Variants in CSMD1 observed in about 807,000 individuals in gnomAD.
CSMD1 encodes the protein CUB and Sushi multiple domains 1.
CSMD1 carries 213 observed loss-of-function variants against 417.5 expected under a neutral mutation model. The observed-to-expected ratio is 0.51, with a 90% CI of 0.46 to 0.57. CSMD1 has a LOEUF of 0.57. Among genes scored for constraint, CSMD1 ranks in the 20% least tolerant of loss-of-function variants. The probability of loss-of-function intolerance (pLI) is 0.00; values close to 1 mark genes in which losing one functional copy is unlikely to be tolerated. For missense variants in CSMD1, 6,923 were observed against 4,529.7 expected (o/e 1.53, Z -15.17); for synonymous variants, 2,862 against 1,736.8 (o/e 1.65, Z -16.11).
intron 3 of CSMD1, among the ~76,000 whole-genome samples, chr8:4,105,909 G>C (rs750906207): frequency 3.9e-5 from 6 of 152,160 alleles, no homozygotes; most frequent in East Asian, 1.9e-4. Flanking sequence ...GCCCCTGCAG[G>C]CTTCAGCCCA....
chr8:4,167,875 C>G (rs776238147), intron 3 of CSMD1, among the ~76,000 whole-genome samples: 27 of 152,094 alleles, frequency 1.8e-4, no homozygotes, highest in Non-Finnish European at 3.2e-4. Flanking sequence ...GGCCTGTAAT[C>G]TCAGCACTTT....
intron 2 of CSMD1, among the ~76,000 whole-genome samples, chr8:4,435,740 C>T (rs929313411): frequency 1.3e-5 from 2 of 152,082 alleles, no homozygotes; most frequent in African/African-American, 4.8e-5. Context: ...TCTGTCTTGG[C>T]CATGTGGCTA....
At chr8:4,309,490 C>G (rs1485675290) in intron 3 of CSMD1, among the ~76,000 whole-genome samples, 2 of 151,944 alleles carry the variant, frequency 1.3e-5, no homozygotes, top group African/African-American at 2.4e-5. Context: ...TGCATTTTCT[C>G]TCATCAAATT....
At chr8:4,656,347 G>A (rs1049263368) in intron 1 of CSMD1, among the ~76,000 whole-genome samples, 4 of 152,018 alleles carry the variant, frequency 2.6e-5, no homozygotes, top group Admixed American at 6.5e-5. Context: ...GTCAGACCAG[G>A]CATGGTTGTG....
chr8:4,769,277 G>T (rs915308500), intron 1 of CSMD1, among the ~76,000 whole-genome samples: 4 of 152,186 alleles, frequency 2.6e-5, no homozygotes, highest in Non-Finnish European at 2.9e-5. Context: ...TTGAGTGCCT[G>T]AAAGTACACC....
chr8:3,145,763 T>C (rs1818804939), intron 40 of CSMD1, among the ~76,000 whole-genome samples: 1 of 152,216 alleles, frequency 6.6e-6, no homozygotes, highest in South Asian at 2.1e-4. Flanking sequence ...CCTTCTATTG[T>C]CTCAGAGAGT....
chr8:4,390,365 G>A (rs895195229), intron 3 of CSMD1, among the ~76,000 whole-genome samples: 1 of 152,052 alleles, frequency 6.6e-6, no homozygotes, highest in Non-Finnish European at 1.5e-5. Flanking sequence ...CACATTCCAA[G>A]CCTGGGAGAT....
intron 3 of CSMD1, among the ~76,000 whole-genome samples, chr8:4,222,639 C>G (rs1189925992): frequency 1.3e-5 from 2 of 152,186 alleles, no homozygotes; most frequent in African/African-American, 4.8e-5. Context: ...ATTTAAATTT[C>G]TGAATCAATG....
intron 3 of CSMD1, among the ~76,000 whole-genome samples, chr8:4,089,813 C>G (rs991191824): frequency 3.9e-5 from 6 of 151,966 alleles, no homozygotes; most frequent in East Asian, 1.9e-4. Flanking sequence ...TGTGTTTGGT[C>G]TTGGAGGGTG....
chr8:3,097,198 C>T (rs1252430545), intron 46 of CSMD1, among the ~76,000 whole-genome samples, 161 bp from the exon 47 acceptor site: 2 of 152,138 alleles, frequency 1.3e-5, no homozygotes, highest in South Asian at 2.1e-4. Flanking sequence ...GGGAGGGCAA[C>T]ATTGAATAAT....
At chr8:4,004,746 T>A (rs916417172) in intron 4 of CSMD1, among the ~76,000 whole-genome samples, 1 of 152,122 alleles carries the variant, frequency 6.6e-6, no homozygotes, top group Admixed American at 6.6e-5. Flanking sequence ...ATTCTTTTTT[T>A]GTTTTGTTTT....
rs114679670 is a variant in CSMD1, at chr8:4,492,374, A to C, written c.303-72309T>G. On this transcript the variant is annotated intron_variant, in intron 2 of 69. Coordinates refer to ENST00000635120, the MANE Select transcript of CSMD1 (RefSeq NM_033225.6). Reference sequence around the variant, plus strand: ...CACATATTACTAAGTGAAAGAAGGCAGTCTGTAGGATGCCAAATATCTGAC... The same window carrying C: ...CACATATTACTAAGTGAAAGAAGGCCGTCTGTAGGATGCCAAATATCTGAC... 1.9e-3 allele frequency among the ~76,000 whole-genome samples: 293 copies of C among 152,338 alleles called. 1 individual carries two copies. The highest frequency in any genetic ancestry group is 6.8e-3 in the African/African-American group (283 of 41,588).
At chr8:3,001,194 T>G (rs537505482) in intron 52 of CSMD1, among the ~76,000 whole-genome samples, 1 of 151,994 alleles carries the variant, frequency 6.6e-6, no homozygotes, top group Non-Finnish European at 1.5e-5. Flanking sequence ...TGGGGTCTCA[T>G]TATGTTGTTC....
chr8:3,117,262 G>A (rs1299682932), intron 42 of CSMD1, among the ~76,000 whole-genome samples: 1 of 151,978 alleles, frequency 6.6e-6, no homozygotes, highest in Non-Finnish European at 1.5e-5. Flanking sequence ...TAGTAGAGAC[G>A]GTGTTTCACC....
At chr8:4,058,520 C>G (rs1798812544) in intron 3 of CSMD1, among the ~76,000 whole-genome samples, 1 of 152,064 alleles carries the variant, frequency 6.6e-6, no homozygotes, top group Non-Finnish European at 1.5e-5. Context: ...ACTGAATACC[C>G]TTTATTTCCT....
At chr8:4,215,320 C>T (rs1260272485) in intron 3 of CSMD1, among the ~76,000 whole-genome samples, 1 of 152,144 alleles carries the variant, frequency 6.6e-6, no homozygotes, top group Non-Finnish European at 1.5e-5. Flanking sequence ...CCAATAGTTA[C>T]ATTTGGCTTT....
chr8:4,547,394 A>G (rs548357072), intron 2 of CSMD1, among the ~76,000 whole-genome samples: 1 of 152,296 alleles, frequency 6.6e-6, no homozygotes, highest in East Asian at 1.9e-4. Context: ...CTTCTTTTAT[A>G]TTTGTGAGTG....
intron 7 of CSMD1, among the ~76,000 whole-genome samples, chr8:3,689,961 C>T (rs1264365531): frequency 6.6e-6 from 1 of 152,204 alleles, no homozygotes; most frequent in East Asian, 1.9e-4. Context: ...TATACAGTGT[C>T]ACCAGTAAGT....
At chr8:3,905,809 C>A (rs543545932) in intron 5 of CSMD1, among the ~76,000 whole-genome samples, 1 of 152,214 alleles carries the variant, frequency 6.6e-6, no homozygotes, top group African/African-American at 2.4e-5. Flanking sequence ...CTGTAGTTAA[C>A]AAAGTCCAAA....
Sources: allele counts gnomAD v4.1 joint callset (sites outside exome capture counted in the v4.1 genomes callset), GRCh38; gene constraint gnomAD v4.1.1; transcripts MANE v1.5; gene names NCBI Gene and HGNC (gene_info 2026-07-23, HGNC 2026-07-21).